Variants in NALCN observed in about 807,000 individuals in gnomAD.
The protein encoded by NALCN is sodium leak channel, non-selective.
In NALCN, 111 loss-of-function variants were observed where a neutral mutation model predicts 225.3. That is an observed-to-expected ratio of 0.49 (90% CI 0.42 to 0.58). NALCN has a LOEUF of 0.58. Among genes scored for constraint, NALCN ranks in the 20% least tolerant of loss-of-function variants. The probability of loss-of-function intolerance (pLI) is 0.00; values close to 1 mark genes in which losing one functional copy is unlikely to be tolerated. For missense variants in NALCN, 1,378 were observed against 2,202.4 expected, an observed-to-expected ratio of 0.63 and a Z score of 7.49; for synonymous variants, 764 against 769.0, an observed-to-expected ratio of 0.99 and a Z score of 0.11.
intron 28 of NALCN, among the ~76,000 whole-genome samples, chr13:101,093,801 C>A (rs963697701): frequency 1.3e-5 from 2 of 152,152 alleles, no homozygotes; most frequent in African/African-American, 2.4e-5. Flanking sequence ...TTACATCCAA[C>A]TGATCCTATA....
intron 7 of NALCN, among the ~76,000 whole-genome samples, chr13:101,338,684 C>A (rs1235933572): frequency 6.6e-6 from 1 of 152,228 alleles, no homozygotes; most frequent in African/African-American, 2.4e-5. Context: ...CTAACTGGCA[C>A]ATCACCTCTG....
At chr13:101,119,153 C>A (rs576362166) in intron 18 of NALCN, among the ~76,000 whole-genome samples, 2 of 152,098 alleles carry the variant, frequency 1.3e-5, no homozygotes, top group Non-Finnish European at 2.9e-5. Context: ...GAAAAAAAAT[C>A]CAGCTAATGT....
At chr13:101,181,394 A>G (rs2139962869) in intron 14 of NALCN, 2 of 508,478 alleles carry the variant, frequency 3.9e-6, no homozygotes, top group Non-Finnish European at 7.9e-6. Flanking sequence ...TTTCCTTTTA[A>G]AAGTTCTGGG....
rs116044859 is a variant in NALCN at position 101,176,474 on chromosome 13, T to G, written c.1765-100A>C. The G allele has an allele frequency of 2.5e-3, 1,780 of 708,858 alleles. 26 individuals are homozygous for G. In the African/African-American group the frequency reaches 0.03, roughly 12 times the overall value. The allele number at this position is 708,858 out of a possible 1,614,324, so 43.9% of individuals were successfully genotyped here. On this transcript the variant is annotated intron_variant, in intron 14 of 43. Transcript: ENST00000251127. ...ACCTAAAATATATTGAGTATATAAT[T>G]CATTAAATGCAAAATAAACATGCAG...
intron 7 of NALCN, among the ~76,000 whole-genome samples, chr13:101,330,688 T>A (rs1032544440): frequency 1.3e-5 from 2 of 152,186 alleles, no homozygotes; most frequent in African/African-American, 4.8e-5. Context: ...CCAAATGTCA[T>A]CTTGAATTGT....
rs545386432 is a variant in NALCN at position 101,254,845 on chromosome 13, C to T, written c.1266+3598G>A. Among the ~76,000 whole-genome samples the T allele has an allele frequency of 2.3e-4, 16 of 69,908 alleles. 2 individuals carry two copies. Among genetic ancestry groups the T allele is most frequent in the African/African-American group, 5.6e-4 (14 of 24,862 alleles). 45.9% of individuals were successfully genotyped at this position (69,908 alleles called of 152,430 possible). ...GGCGGAGCTTGCAGTGAGCCGAGAT[C>T]CCGCCACTGCACTCCAGCCTGGGCG... On this transcript the variant is annotated intron_variant, in intron 11 of 43. Transcript: ENST00000251127.
rs772803115 is a variant in NALCN, at chr13:101,081,560, G to T, written c.3852C>A (p.Gly1284=). 4.2e-5 allele frequency: 68 copies of T among 1,613,950 alleles called. No individual in the cohort carries two copies. The Admixed American group carries it at 1.1e-3, about 25-fold the overall frequency. ...CAAAGTGAAGCACCACCCATACAACGCCAAGCGACGTCACCAGGAGATCGT... is the reference window on the plus strand; with the variant it reads ...CAAAGTGAAGCACCACCCATACAACTCCAAGCGACGTCACCAGGAGATCGT... ...NRYDLLVTSL[G]VVWVVLHFAL... is the part of the protein sequence containing the mutation. Residue 1284 remains glycine, a synonymous_variant, in exon 34 of 44, where the codon GGC becomes GGA. Coordinates refer to ENST00000251127, the MANE Select transcript of NALCN (RefSeq NM_052867.4).
chr13:101,334,734 T>G (rs1222862455), intron 7 of NALCN, among the ~76,000 whole-genome samples: 1 of 152,140 alleles, frequency 6.6e-6, no homozygotes, highest in African/African-American at 2.4e-5. Context: ...TAATCACACA[T>G]GAGCACAGAA....
intron 13 of NALCN, among the ~76,000 whole-genome samples, chr13:101,207,257 T>C (rs1047834062): frequency 3.3e-5 from 5 of 152,232 alleles, no homozygotes; most frequent in Non-Finnish European, 5.9e-5. Flanking sequence ...TTGCCAGCAG[T>C]GTGCATTGTT....
At chr13:101,340,618 G>A (rs568090714) in intron 7 of NALCN, among the ~76,000 whole-genome samples, 1 of 152,310 alleles carries the variant, frequency 6.6e-6, no homozygotes, top group South Asian at 2.1e-4. Flanking sequence ...ATTGAGGCAA[G>A]AGAGTTAATT....
intron 15 of NALCN, among the ~76,000 whole-genome samples, chr13:101,145,667 C>T (rs1478871538): frequency 2.6e-5 from 4 of 152,168 alleles, no homozygotes; most frequent in Admixed American, 6.5e-5. Context: ...CCTATGCTCT[C>T]TTTTTCTCTC....
At chr13:101,205,060 C>A (rs2040260776) in intron 13 of NALCN, among the ~76,000 whole-genome samples, 1 of 152,114 alleles carries the variant, frequency 6.6e-6, no homozygotes, top group Non-Finnish European at 1.5e-5. Context: ...GATCTCTTGA[C>A]TTTGATTCCT....
At chr13:101,270,445 CAA>C (rs1362388658) in intron 10 of NALCN, among the ~76,000 whole-genome samples, 9 of 152,098 alleles carry the variant, frequency 5.9e-5, no homozygotes, top group African/African-American at 1.9e-4. Context: ...GTTTTAAACT[CAA>C]GAGACAAATT....
chr13:101,358,068 C>T (rs983129782), intron 6 of NALCN, among the ~76,000 whole-genome samples: 1 of 152,090 alleles, frequency 6.6e-6, no homozygotes, highest in South Asian at 2.1e-4. Context: ...AAACCCATAA[C>T]CATAAAAACC....
chr13:101,203,669 G>T (rs897458859), intron 13 of NALCN, among the ~76,000 whole-genome samples: 1 of 152,268 alleles, frequency 6.6e-6, no homozygotes. Context: ...TGTTTTCAAA[G>T]ACATTATTTC....
intron 40 of NALCN, among the ~76,000 whole-genome samples, chr13:101,063,054 G>A (rs964107661): frequency 1.3e-5 from 2 of 152,232 alleles, no homozygotes; most frequent in African/African-American, 4.8e-5. Flanking sequence ...CAGGATGCCT[G>A]GACTGAGCAG....
intron 6 of NALCN, among the ~76,000 whole-genome samples, chr13:101,353,289 C>A (rs193169148): frequency 1.6e-3 from 237 of 152,304 alleles, no homozygotes; most frequent in African/African-American, 5.4e-3. Context: ...TTGCTAAAAG[C>A]TGACCCCTAG....
chr13:101,327,032 T>C (rs2044979014), intron 7 of NALCN, among the ~76,000 whole-genome samples: 1 of 151,944 alleles, frequency 6.6e-6, no homozygotes, highest in Non-Finnish European at 1.5e-5. Flanking sequence ...TCTGCCATTA[T>C]CTCAAGGGGA....
intron 13 of NALCN, among the ~76,000 whole-genome samples, chr13:101,227,981 C>A (rs1366775684): frequency 6.6e-6 from 1 of 152,162 alleles, no homozygotes; most frequent in African/African-American, 2.4e-5. Flanking sequence ...CTGGACTTTT[C>A]CATGCCTGGG....
Sources: allele counts gnomAD v4.1 joint callset (sites outside exome capture counted in the v4.1 genomes callset), GRCh38; gene constraint gnomAD v4.1.1; transcripts MANE v1.5; gene names NCBI Gene and HGNC (gene_info 2026-07-23, HGNC 2026-07-21).